The following SLC9A9 variants were observed in gnomAD, a reference collection of about 807,000 sequenced individuals.
SLC9A9 encodes the protein sodium/hydrogen exchanger 9.
SLC9A9 carries 62 observed loss-of-function variants against 77.8 expected under a neutral mutation model. The observed-to-expected ratio is 0.80, with a 90% CI of 0.65 to 0.98. SLC9A9 has a LOEUF of 0.98. Among genes scored for constraint, SLC9A9 ranks in the 50% least tolerant of loss-of-function variants. SLC9A9 has a pLI of 0.00. For synonymous variants in SLC9A9, 320 were observed against 283.5 expected (o/e 1.13, Z -1.29); for missense variants, 775 against 774.9 (o/e 1.00, Z 0.00).
At chr3:143,322,889 C>A (rs1336971327) in intron 14 of SLC9A9, among the ~76,000 whole-genome samples, 1 of 151,876 alleles carries the variant, frequency 6.6e-6, no homozygotes, top group African/African-American at 2.4e-5. Flanking sequence ...GGAAAAGACA[C>A]CAAAGAACAC....
chr3:143,833,060 C>T (rs995606149), intron 1 of SLC9A9, among the ~76,000 whole-genome samples: 1 of 152,102 alleles, frequency 6.6e-6, no homozygotes, highest in Non-Finnish European at 1.5e-5. Context: ...TGAAGATGCT[C>T]ATGGCAATCT....
chr3:143,418,736 A>G (rs967132813), intron 12 of SLC9A9, among the ~76,000 whole-genome samples: 6 of 152,194 alleles, frequency 3.9e-5, no homozygotes, highest in Admixed American at 3.9e-4. Flanking sequence ...TTGCTGAGCA[A>G]TATTGAGTGC....
intron 6 of SLC9A9, among the ~76,000 whole-genome samples, chr3:143,612,922 AT>A (rs893251145): frequency 4.6e-5 from 7 of 152,280 alleles, no homozygotes; most frequent in African/African-American, 1.2e-4. Context: ...ACTGATATGG[AT>A]TTTTTCCCCT....
At chr3:143,322,277 G>C (rs928524422) in intron 14 of SLC9A9, among the ~76,000 whole-genome samples, 10 of 152,102 alleles carry the variant, frequency 6.6e-5, no homozygotes, top group Admixed American at 3.3e-4. Context: ...TTATAATGTG[G>C]GTGGACCTCA....
At chr3:143,505,002 A>G (rs1320123841) in intron 9 of SLC9A9, among the ~76,000 whole-genome samples, 3 of 152,142 alleles carry the variant, frequency 2.0e-5, no homozygotes, top group African/African-American at 7.2e-5. Flanking sequence ...TCATACACAC[A>G]TCTTGTTTGA....
At chr3:143,628,174 G>A (rs1378894858) in intron 6 of SLC9A9, among the ~76,000 whole-genome samples, 1 of 152,192 alleles carries the variant, frequency 6.6e-6, no homozygotes, top group Non-Finnish European at 1.5e-5. Flanking sequence ...CAGCTAGATG[G>A]AGGATGGAGG....
intron 14 of SLC9A9, among the ~76,000 whole-genome samples, chr3:143,352,141 T>C (rs1177684797): frequency 1.3e-5 from 2 of 152,144 alleles, no homozygotes; most frequent in African/African-American, 2.4e-5. Flanking sequence ...CTCTTGGGCA[T>C]TCCAGGCATA....
At chr3:143,462,255 C>T (rs996282488) in intron 12 of SLC9A9, among the ~76,000 whole-genome samples, 3 of 152,070 alleles carry the variant, frequency 2.0e-5, no homozygotes, top group Admixed American at 6.6e-5. Context: ...CACCTGTAGT[C>T]TCAGCTACTT....
intron 1 of SLC9A9, among the ~76,000 whole-genome samples, chr3:143,843,841 TAC>T (rs1431994717): frequency 7.2e-4 from 109 of 152,172 alleles, no homozygotes; most frequent in Non-Finnish European, 1.4e-3. Context: ...TGTCAATCAA[TAC>T]TTTAACCGCT....
chr3:143,695,855 G>T (rs78108704), intron 4 of SLC9A9, among the ~76,000 whole-genome samples: 1 of 152,128 alleles, frequency 6.6e-6, no homozygotes, highest in East Asian at 1.9e-4. Flanking sequence ...TCTAACTGGC[G>T]TGAGATGGTT....
At chr3:143,441,523 G>T (rs1198585087) in intron 12 of SLC9A9, among the ~76,000 whole-genome samples, 1 of 152,000 alleles carries the variant, frequency 6.6e-6, no homozygotes, top group African/African-American at 2.4e-5. Flanking sequence ...TTAGTCAAAG[G>T]CATCTTGGCA....
chr3:143,803,584 G>A (rs1006361251), intron 2 of SLC9A9, among the ~76,000 whole-genome samples: 2 of 152,076 alleles, frequency 1.3e-5, no homozygotes, highest in African/African-American at 4.8e-5. Context: ...TTTGCTGGCA[G>A]GGCACCCTTC....
chr3:143,848,024 A>G lies in SLC9A9; in HGVS notation c.175+124T>C. 2.9e-6 allele frequency: 3 copies of G among 1,026,212 alleles called. 1 individual carries two copies. Among genetic ancestry groups the G allele is most frequent in the Non-Finnish European group, 4.5e-6 (3 of 668,580 alleles). 63.6% of individuals were successfully genotyped at this position (1,026,212 alleles called of 1,614,324 possible). ...CATTCGTTACGCTGCAGCACCTTTC[A>G]TCAAACTAATGACATTTCAATCAGC... is the stretch of plus-strand genomic sequence containing the variant. On this transcript the variant is annotated intron_variant, in intron 1 of 15. Transcript: ENST00000316549.
At chr3:143,303,807 G>C (rs16853386) in intron 14 of SLC9A9, among the ~76,000 whole-genome samples, 14,129 of 152,108 alleles carry the variant, frequency 0.093, 903 homozygotes, top group East Asian at 0.19. Flanking sequence ...AAACTTGCCA[G>C]GCCCATTTGA....
chr3:143,770,086 T>A (rs2007464341), intron 4 of SLC9A9, among the ~76,000 whole-genome samples: 1 of 152,180 alleles, frequency 6.6e-6, no homozygotes. Flanking sequence ...ATAGGAGGAC[T>A]CAACCTCATA....
At chr3:143,824,625 G>A (rs935675785) in intron 2 of SLC9A9, among the ~76,000 whole-genome samples, 2 of 152,170 alleles carry the variant, frequency 1.3e-5, no homozygotes, top group Admixed American at 6.5e-5. Flanking sequence ...CAAGGACTTC[G>A]TTTTGTTCAC....
intron 9 of SLC9A9, among the ~76,000 whole-genome samples, chr3:143,548,085 A>G (rs2036818511): frequency 6.6e-6 from 1 of 152,230 alleles, no homozygotes; most frequent in East Asian, 1.9e-4. Context: ...CGCACAGTAA[A>G]TGGTAATTAT....
chr3:143,836,995 CTT>C (rs1462235223), intron 1 of SLC9A9, among the ~76,000 whole-genome samples: 1 of 152,110 alleles, frequency 6.6e-6, no homozygotes, highest in African/African-American at 2.4e-5. Context: ...TCCCTTGCAT[CTT>C]ACTGATGGTC....
chr3:143,810,582 G>T (rs1411706976), intron 2 of SLC9A9, among the ~76,000 whole-genome samples: 1 of 152,210 alleles, frequency 6.6e-6, no homozygotes, highest in African/African-American at 2.4e-5. Context: ...ACTGGGAATT[G>T]GATATATATG....
Sources: allele counts gnomAD v4.1 joint callset (sites outside exome capture counted in the v4.1 genomes callset), GRCh38; gene constraint gnomAD v4.1.1; transcripts MANE v1.5; gene names NCBI Gene and HGNC (gene_info 2026-07-23, HGNC 2026-07-21).